The following GALNTL6 variants were observed in gnomAD, a reference collection of about 807,000 sequenced individuals.
The protein encoded by GALNTL6 is polypeptide N-acetylgalactosaminyltransferase-like 6.
In GALNTL6, 46 loss-of-function variants were observed where a neutral mutation model predicts 73.7. The ratio of observed to expected loss-of-function variants is 0.62; its 90% CI spans 0.49 to 0.80. The LOEUF is 0.80. Ranked by LOEUF, GALNTL6 falls within the 30% of genes least tolerant of loss-of-function variation. The probability of loss-of-function intolerance (pLI) is 0.00; values close to 1 mark genes in which losing one functional copy is unlikely to be tolerated. For missense variants in GALNTL6, 604 were observed against 755.0 expected (o/e 0.80, Z 2.34); for synonymous variants, 259 against 263.7 (o/e 0.98, Z 0.17).
intron 2 of GALNTL6, among the ~76,000 whole-genome samples, chr4:172,195,686 C>T (rs1322393615): frequency 6.6e-6 from 1 of 152,186 alleles, no homozygotes; most frequent in Non-Finnish European, 1.5e-5. Flanking sequence ...TCCTGAATGA[C>T]TCTTGGGTGA....
At chr4:172,258,658 G>A (rs1738161196) in intron 3 of GALNTL6, among the ~76,000 whole-genome samples, 1 of 151,294 alleles carries the variant, frequency 6.6e-6, no homozygotes, top group Non-Finnish European at 1.5e-5. Context: ...ACACAGATAA[G>A]TTCTTTAGTA....
chr4:172,446,266 C>T (rs1438266206), intron 5 of GALNTL6, among the ~76,000 whole-genome samples: 2 of 151,982 alleles, frequency 1.3e-5, no homozygotes, highest in Non-Finnish European at 2.9e-5. Context: ...TTTAAGGTGG[C>T]AGAATTAGAA....
At chr4:172,360,157 C>A (rs1015088140) in intron 5 of GALNTL6, among the ~76,000 whole-genome samples, 1 of 152,128 alleles carries the variant, frequency 6.6e-6, no homozygotes, top group African/African-American at 2.4e-5. Context: ...CATTGAGCAG[C>A]AAAGATTCAG....
At chr4:172,272,398 G>T (rs183380612) in intron 3 of GALNTL6, among the ~76,000 whole-genome samples, 50 of 152,304 alleles carry the variant, frequency 3.3e-4, no homozygotes, top group African/African-American at 1.2e-3. Context: ...AAGTCTAGAT[G>T]GTATAGCGCA....
chr4:172,394,509 G>A (rs896800527), intron 5 of GALNTL6, among the ~76,000 whole-genome samples: 1 of 142,586 alleles, frequency 7.0e-6, no homozygotes, highest in Non-Finnish European at 1.5e-5. Context: ...TTAGGTCACT[G>A]CAACCTCCGC....
chr4:172,033,474 T>C (rs543397164), intron 2 of GALNTL6, among the ~76,000 whole-genome samples: 1 of 152,196 alleles, frequency 6.6e-6, no homozygotes, highest in East Asian at 1.9e-4. Context: ...GGTTTCAAAT[T>C]AGATGAAATC....
intron 3 of GALNTL6, among the ~76,000 whole-genome samples, chr4:172,310,165 G>A (rs1740300672): frequency 6.6e-6 from 1 of 152,128 alleles, no homozygotes; most frequent in Non-Finnish European, 1.5e-5. Context: ...GCAAGCATTG[G>A]CATAGCAGTG....
intron 10 of GALNTL6, among the ~76,000 whole-genome samples, chr4:172,971,002 C>T (rs922471327): frequency 2.6e-5 from 4 of 152,142 alleles, no homozygotes; most frequent in East Asian, 1.9e-4. Flanking sequence ...GATAAATGTC[C>T]GTGAAATCTT....
At chr4:172,024,797 C>T (rs1165918501) in intron 2 of GALNTL6, among the ~76,000 whole-genome samples, 1 of 151,758 alleles carries the variant, frequency 6.6e-6, no homozygotes, top group Non-Finnish European at 1.5e-5. Context: ...CTATTGTCTT[C>T]CTTACTTCAT....
intron 10 of GALNTL6, among the ~76,000 whole-genome samples, chr4:172,985,745 G>C (rs980440894): frequency 1.3e-5 from 2 of 152,182 alleles, no homozygotes; most frequent in Admixed American, 6.5e-5. Context: ...GGAACCACAA[G>C]ACCAGATGAG....
chr4:172,819,069 A>G (rs1741779985), intron 7 of GALNTL6, among the ~76,000 whole-genome samples: 2 of 152,236 alleles, frequency 1.3e-5, no homozygotes, highest in South Asian at 4.1e-4. Context: ...CAGACATGAA[A>G]GATCCTCTGA....
intron 5 of GALNTL6, among the ~76,000 whole-genome samples, chr4:172,586,475 G>GAAAAAAAA (rs5864138): frequency 7.9e-6 from 1 of 127,122 alleles, no homozygotes; most frequent in Non-Finnish European, 1.7e-5. Flanking sequence ...TGGGAATTCA[G>GAAAAAAAA]AAAAAAAAAA....
intron 5 of GALNTL6, among the ~76,000 whole-genome samples, chr4:172,633,148 A>G (rs1739487499): frequency 1.3e-5 from 2 of 152,200 alleles, no homozygotes; most frequent in African/African-American, 4.8e-5. Flanking sequence ...TCCCCACTGA[A>G]GAACTGCCTA....
At chr4:171,980,552 T>C (rs1240334026) in intron 2 of GALNTL6, among the ~76,000 whole-genome samples, 1 of 152,146 alleles carries the variant, frequency 6.6e-6, no homozygotes, top group Non-Finnish European at 1.5e-5. Flanking sequence ...GAAACTGCAG[T>C]GTGTATATTT....
chr4:172,096,440 T>C (rs1056381816), intron 2 of GALNTL6, among the ~76,000 whole-genome samples: 19 of 152,148 alleles, frequency 1.2e-4, no homozygotes, highest in Non-Finnish European at 2.5e-4. Flanking sequence ...TTTTCTTCAA[T>C]TTAACCTTTA....
At chr4:171,988,596 G>C (rs561130728) in intron 2 of GALNTL6, among the ~76,000 whole-genome samples, 75 of 152,292 alleles carry the variant, frequency 4.9e-4, no homozygotes, top group East Asian at 4.3e-3. Context: ...GGGGTGGATA[G>C]GCAAAACAAT....
At chr4:172,121,879 A>G (rs1733160102) in intron 2 of GALNTL6, among the ~76,000 whole-genome samples, 1 of 152,148 alleles carries the variant, frequency 6.6e-6, no homozygotes, top group Admixed American at 6.6e-5. Flanking sequence ...CTCAGTTTAC[A>G]TAATAGTTTG....
intron 2 of GALNTL6, among the ~76,000 whole-genome samples, chr4:171,939,463 T>A (rs893932331): frequency 6.6e-6 from 1 of 151,968 alleles, no homozygotes; most frequent in Non-Finnish European, 1.5e-5. Context: ...TTTATGTAAA[T>A]ATAATTATAT....
rs75261578 is a variant in GALNTL6, at chr4:171,917,955, T to C, written c.138+103237T>C. Reference sequence around the variant, plus strand: ...GTCCTGTCAATATTTGCTTCTATGATAGCTATTTTTTGTATCACCAAAAGC... The same window carrying C: ...GTCCTGTCAATATTTGCTTCTATGACAGCTATTTTTTGTATCACCAAAAGC... On this transcript the variant is annotated intron_variant, in intron 2 of 12. Transcript: ENST00000506823. Among the ~76,000 whole-genome samples, 231 of 152,248 alleles carry C rather than the reference T, an allele frequency of 1.5e-3. 1 individual carries two copies. The highest frequency in any genetic ancestry group is 0.01 in the Admixed American group (153 of 15,280).
Sources: gnomAD v4.1 joint callset for allele counts (sites outside exome capture counted in the v4.1 genomes callset) on GRCh38, gnomAD v4.1.1 for gene constraint, MANE v1.5 for transcripts, NCBI Gene and HGNC (gene_info 2026-07-23, HGNC 2026-07-21) for gene names.